Variants in PEBP4 observed in about 807,000 individuals in gnomAD.
PEBP4 encodes the protein phosphatidylethanolamine binding protein 4.
A neutral mutation model predicts 23.9 loss-of-function variants in PEBP4; 22 were observed. The ratio of observed to expected loss-of-function variants is 0.92; its 90% confidence interval spans 0.66 to 1.31. The LOEUF (loss-of-function observed/expected upper bound fraction) is 1.31. Ranked by LOEUF, PEBP4 falls within the 40% of genes most tolerant of loss-of-function variation. PEBP4 has a pLI of 0.00. For synonymous variants in PEBP4, 112 were observed against 99.3 expected, an observed-to-expected ratio of 1.13 and a Z score of -0.76; for missense variants, 324 against 281.7, an observed-to-expected ratio of 1.15 and a Z score of -1.07.
chr8:22,939,187 G>A (rs1333420936), intron 1 of PEBP4, among the ~76,000 whole-genome samples: 1 of 152,160 alleles, frequency 6.6e-6, no homozygotes, highest in Non-Finnish European at 1.5e-5. Flanking sequence ...AACCAGGCAA[G>A]CAACAAGAGA....
In PEBP4 at chr8:22,890,340, G is replaced by A. The variant is rs117783527; in HGVS notation, c.258+29844C>T. ...TTCTACCAAGTGGCCAGGGAATGCC[G>A]ATGCTGCTGGTCCACGGACCACACT... is the stretch of plus-strand genomic sequence containing the variant. On this transcript the variant is annotated intron_variant, in intron 3 of 6. Coordinates refer to ENST00000256404, the MANE Select transcript of PEBP4 (RefSeq NM_144962.3). 2.8e-4 allele frequency among the ~76,000 whole-genome samples: 42 copies of A among 152,344 alleles called. No individual in the cohort carries two copies. The East Asian group carries it at 6.9e-3, about 25-fold the overall frequency.
intron 1 of PEBP4, among the ~76,000 whole-genome samples, chr8:22,936,864 T>A (rs1408949214): frequency 6.6e-6 from 1 of 152,140 alleles, no homozygotes; most frequent in Admixed American, 6.5e-5. Flanking sequence ...TACATGGTCA[T>A]CTCAATTGAT....
intron 3 of PEBP4, among the ~76,000 whole-genome samples, chr8:22,882,709 G>T (rs752376488): frequency 2.6e-5 from 4 of 152,128 alleles, no homozygotes; most frequent in Non-Finnish European, 5.9e-5. Context: ...CTAGAAATAG[G>T]AAACTCCTCT....
At chr8:22,756,120 T>A (rs1049547045) in intron 4 of PEBP4, 6 of 152,236 alleles carry the variant, frequency 3.9e-5, no homozygotes, top group Non-Finnish European at 8.8e-5. Context: ...TTTAACTCCT[T>A]GTCTGAGCAT....
At chr8:22,880,924 C>G (rs891971071) in intron 3 of PEBP4, among the ~76,000 whole-genome samples, 3 of 152,224 alleles carry the variant, frequency 2.0e-5, no homozygotes, top group Non-Finnish European at 4.4e-5. Context: ...GGGCCTGGGC[C>G]CTGCTTGCCC....
chr8:22,883,340 A>G (rs1261310984), intron 3 of PEBP4, among the ~76,000 whole-genome samples: 1 of 152,148 alleles, frequency 6.6e-6, no homozygotes, highest in Non-Finnish European at 1.5e-5. Context: ...TGTTTGCCAC[A>G]TCACCACTGC....
At chr8:22,875,173 G>T (rs567591106) in intron 3 of PEBP4, among the ~76,000 whole-genome samples, 3 of 151,900 alleles carry the variant, frequency 2.0e-5, no homozygotes, top group Middle Eastern at 3.4e-3. Context: ...CGAGACTCAG[G>T]TGCCTGATGA....
chr8:22,828,128 A>T (rs1220222545), intron 3 of PEBP4, among the ~76,000 whole-genome samples: 2 of 152,220 alleles, frequency 1.3e-5, no homozygotes, highest in African/African-American at 4.8e-5. Context: ...CCCAAGGAGT[A>T]AGGGAAAATG....
chr8:22,728,059 G>A (rs994835220), intron 4 of PEBP4, among the ~76,000 whole-genome samples: 1 of 152,168 alleles, frequency 6.6e-6, no homozygotes, highest in Non-Finnish European at 1.5e-5. Context: ...GGGTTTTATA[G>A]CCTTAATGAA....
intron 4 of PEBP4, among the ~76,000 whole-genome samples, chr8:22,791,829 G>A (rs1806146021): frequency 6.6e-6 from 1 of 151,490 alleles, no homozygotes; most frequent in Non-Finnish European, 1.5e-5. Context: ...CAAAGCCTGT[G>A]CACTAGGGGG....
intron 3 of PEBP4, among the ~76,000 whole-genome samples, chr8:22,895,013 A>G (rs922784972): frequency 2.0e-5 from 3 of 152,218 alleles, no homozygotes; most frequent in Non-Finnish European, 2.9e-5. Context: ...AGACAAGCAC[A>G]AAGTCTGATT....
chr8:22,777,863 A>T (rs1362446398), intron 4 of PEBP4, among the ~76,000 whole-genome samples: 1 of 152,078 alleles, frequency 6.6e-6, no homozygotes, highest in African/African-American at 2.4e-5. Context: ...GCTGCTTTTC[A>T]CTTTCTGGCT....
chr8:22,860,490 T>C (rs1201091323), intron 3 of PEBP4, among the ~76,000 whole-genome samples: 1 of 152,136 alleles, frequency 6.6e-6, no homozygotes, highest in Admixed American at 6.5e-5. Context: ...TACCTGTCTT[T>C]TTGTGACTGG....
intron 3 of PEBP4, among the ~76,000 whole-genome samples, chr8:22,837,890 C>CTTTTTT (rs746772591): frequency 4.6e-5 from 3 of 64,566 alleles, no homozygotes; most frequent in Admixed American, 2.1e-4. Context: ...TTATTATATT[C>CTTTTTT]TTTTTTTTTT....
At chr8:22,838,111 G>C (rs1807245213) in intron 3 of PEBP4, among the ~76,000 whole-genome samples, 1 of 151,828 alleles carries the variant, frequency 6.6e-6, no homozygotes, top group Non-Finnish European at 1.5e-5. Flanking sequence ...GTGTTGTCCA[G>C]GCTGGTCTGA....
chr8:22,918,177 C>T (rs1245268004), intron 3 of PEBP4, among the ~76,000 whole-genome samples: 1 of 152,240 alleles, frequency 6.6e-6, no homozygotes, highest in Non-Finnish European at 1.5e-5. Flanking sequence ...TCACTGACCA[C>T]TTTGGCAAAT....
chr8:22,720,061 C>T (rs1029664172), intron 6 of PEBP4, among the ~76,000 whole-genome samples: 18 of 152,166 alleles, frequency 1.2e-4, no homozygotes, highest in African/African-American at 4.3e-4. Flanking sequence ...TAACTGAAAG[C>T]CAACAGTGGG....
chr8:22,761,044 C>CTCTA (rs1805497305), intron 4 of PEBP4, among the ~76,000 whole-genome samples: 1 of 152,162 alleles, frequency 6.6e-6, no homozygotes, highest in African/African-American at 2.4e-5. Context: ...AGCGGGGAGG[C>CTCTA]GGGCATCAGA....
In PEBP4 at chr8:22,920,141, C is replaced by A. The variant is rs200636831; in HGVS notation, c.258+43G>T. The A allele has an allele frequency of 1.1e-5, 18 of 1,587,070 alleles. No homozygotes were observed. The East Asian group carries it at 3.6e-4, about 32-fold the overall frequency. On this transcript the variant is annotated intron_variant, in intron 3 of 6. Transcript: ENST00000256404. Reference sequence around the variant, plus strand: ...GAGCAAGCCTGGAGGAACATCAAGACCCCCAACTGTCCCCCCGCTTTAACA... The same window carrying A: ...GAGCAAGCCTGGAGGAACATCAAGAACCCCAACTGTCCCCCCGCTTTAACA...
Sources: gnomAD v4.1 joint callset for allele counts (sites outside exome capture counted in the v4.1 genomes callset) on GRCh38, gnomAD v4.1.1 for gene constraint, MANE v1.5 for transcripts, NCBI Gene and HGNC (gene_info 2026-07-23, HGNC 2026-07-21) for gene names.